The following SKIC3 variants were observed in gnomAD, a reference collection of about 807,000 sequenced individuals.
The protein encoded by SKIC3 is superkiller complex protein 3.
the SKIC3 span, among the ~76,000 whole-genome samples, chr5:95,517,724 A>G: frequency 6.6e-6 from 1 of 152,080 alleles, no homozygotes; most frequent in Non-Finnish European, 1.5e-5. Flanking sequence ...TTGTAAACTC[A>G]GGTTTTTGCT....
the SKIC3 span, among the ~76,000 whole-genome samples, chr5:95,518,953 C>T: frequency 2.0e-5 from 3 of 151,974 alleles, no homozygotes; most frequent in South Asian, 2.1e-4. Flanking sequence ...CTCTTCTCCA[C>T]ATCCTTGCCA....
At chr5:95,476,987 C>T in the SKIC3 span, among the ~76,000 whole-genome samples, 1 of 151,964 alleles carries the variant, frequency 6.6e-6, no homozygotes, top group Non-Finnish European at 1.5e-5. Context: ...ATTTAATTTC[C>T]CAGCATCAAC....
At chr5:95,496,158 C>T in the SKIC3 span, among the ~76,000 whole-genome samples, 1 of 152,042 alleles carries the variant, frequency 6.6e-6, no homozygotes, top group Non-Finnish European at 1.5e-5. Flanking sequence ...GCTGGGACTA[C>T]AGGCGTGCGC....
At chr5:95,492,670 A>G in the SKIC3 span, among the ~76,000 whole-genome samples, 36 of 134,952 alleles carry the variant, frequency 2.7e-4, no homozygotes, top group East Asian at 4.2e-4. Flanking sequence ...AAAAAAAAAA[A>G]AAAAAAAAAA....
At chr5:95,486,768 C>A in the SKIC3 span, among the ~76,000 whole-genome samples, 215 of 152,284 alleles carry the variant, frequency 1.4e-3, no homozygotes, top group East Asian at 0.018. Flanking sequence ...CATTGTTGGC[C>A]TGGAGACTGG....
the SKIC3 span, chr5:95,540,833 A>G: frequency 3.7e-6 from 6 of 1,613,772 alleles, no homozygotes; most frequent in Admixed American, 3.3e-5. Flanking sequence ...CGAGCCACCT[A>G]TTAAAGAAGG....
chr5:95,528,930 T>C, the SKIC3 span: 1 of 1,310,550 alleles, frequency 7.6e-7, no homozygotes, highest in Non-Finnish European at 1.1e-6. Flanking sequence ...AATCACTATC[T>C]TTGTCCTTTA....
chr5:95,503,959 T>A, the SKIC3 span: 1 of 1,613,250 alleles, frequency 6.2e-7, no homozygotes, highest in Non-Finnish European at 8.5e-7. Flanking sequence ...AAGCACAACT[T>A]ACTTTTAATA....
At chr5:95,507,927 T>C in the SKIC3 span, among the ~76,000 whole-genome samples, 2 of 129,188 alleles carry the variant, frequency 1.5e-5, no homozygotes, top group South Asian at 4.8e-4. Flanking sequence ...TAACGATACA[T>C]ACCAAAAAAA....
chr5:95,475,879 T>TG, the SKIC3 span, among the ~76,000 whole-genome samples: 23 of 152,346 alleles, frequency 1.5e-4, no homozygotes, highest in Admixed American at 1.1e-3. Flanking sequence ...CTTAGCCACA[T>TG]GGCTCTTCTG....
chr5:95,531,883 T>C, the SKIC3 span, among the ~76,000 whole-genome samples: 10 of 152,296 alleles, frequency 6.6e-5, no homozygotes, highest in African/African-American at 2.4e-4. Flanking sequence ...ATCTGATATG[T>C]GGTAGGTGTT....
At chr5:95,483,231 AT>A in the SKIC3 span, among the ~76,000 whole-genome samples, 2 of 152,052 alleles carry the variant, frequency 1.3e-5, no homozygotes, top group Admixed American at 6.6e-5. Context: ...ATGTGTATAT[AT>A]TTTTATATAT....
At chr5:95,514,912 C>T in the SKIC3 span, 4 of 1,612,360 alleles carry the variant, frequency 2.5e-6, no homozygotes, top group Non-Finnish European at 3.4e-6. Flanking sequence ...TTTTGAAAGC[C>T]TCATGAGCTT....
At chr5:95,529,177 CCAAAT>C in the SKIC3 span, 1 of 1,195,520 alleles carries the variant, frequency 8.4e-7, no homozygotes, top group African/African-American at 1.5e-5. Flanking sequence ...TGCCTACTCT[CCAAAT>C]CAGACTCCTC....
the SKIC3 span, among the ~76,000 whole-genome samples, chr5:95,553,936 C>CT: frequency 6.6e-6 from 1 of 152,242 alleles, no homozygotes; most frequent in African/African-American, 2.4e-5. Flanking sequence ...AACAGATAAA[C>CT]TAACTGCAGA....
the SKIC3 span, among the ~76,000 whole-genome samples, chr5:95,479,811 A>G: frequency 9.6e-3 from 1,467 of 152,166 alleles, 23 homozygotes; most frequent in African/African-American, 0.033. Flanking sequence ...GAAATGCAAA[A>G]GACCTAAGAC....
chr5:95,546,981 A>G, the SKIC3 span: 1 of 1,423,788 alleles, frequency 7.0e-7, no homozygotes, highest in Non-Finnish European at 9.9e-7. Flanking sequence ...TTGGACAGGA[A>G]ATAATTCACA....
chr5:95,526,282 G>GA, the SKIC3 span, among the ~76,000 whole-genome samples: 2 of 149,882 alleles, frequency 1.3e-5, no homozygotes, highest in African/African-American at 2.5e-5. Flanking sequence ...TTTAACTGTT[G>GA]AAAAATATGG....
At chr5:95,499,666 A>C in the SKIC3 span, among the ~76,000 whole-genome samples, 7 of 152,078 alleles carry the variant, frequency 4.6e-5, no homozygotes, top group Non-Finnish European at 7.4e-5. Context: ...AATAAAAAAA[A>C]CTCTTCAATT....
Sources: allele counts gnomAD v4.1 joint callset (sites outside exome capture counted in the v4.1 genomes callset), GRCh38; gene constraint gnomAD v4.1.1; transcripts MANE v1.5; gene names NCBI Gene and HGNC (gene_info 2026-07-23, HGNC 2026-07-21).